The following SLC39A4 variants were observed in gnomAD, a reference collection of about 807,000 sequenced individuals.
SLC39A4 encodes zinc transporter ZIP4.
Under a neutral mutation model 56.6 loss-of-function variants are expected in SLC39A4, and 49 were observed. The observed-to-expected ratio is 0.87, with a 90% confidence interval of 0.69 to 1.10. The LOEUF (loss-of-function observed/expected upper bound fraction) is 1.10. Ranked by LOEUF, SLC39A4 falls within the 50% of genes least tolerant of loss-of-function variation. The probability of loss-of-function intolerance (pLI) is 0.00; values close to 1 mark genes in which losing one functional copy is unlikely to be tolerated. For missense variants in SLC39A4, 993 were observed against 864.2 expected (o/e 1.15, Z -1.87); for synonymous variants, 540 against 420.4 (o/e 1.28, Z -3.48).
rs2130795046 is a variant in SLC39A4, at chr8:144,413,553, G to A, written c.1434C>T (p.Ser478=). Residue 478 remains serine (S), a synonymous_variant, in exon 9 of 12, where the codon AGC becomes AGT. Coordinates refer to ENST00000301305, the MANE Select transcript of SLC39A4 (RefSeq NM_130849.4). ...TGGGCTCAGGGTTCAGCAGCTCCGG[G>A]CTCTCCTCCGCCACCTGGGAGGAGC... ...GSRADLVAEE[S]PELLNPEPRR... 1 of 1,554,126 alleles carries A rather than the reference G, an allele frequency of 6.4e-7. No individual in the cohort carries two copies. The highest frequency in any genetic ancestry group is 8.7e-7 in the Non-Finnish European group (1 of 1,148,904).
rs1554872223 is a variant in SLC39A4 at position 144,413,232 on chromosome 8, C to T, written c.1627+5G>A. On this transcript the variant is annotated splice_donor_5th_base_variant and intron_variant, in intron 10 of 11. Coordinates refer to ENST00000301305, the MANE Select transcript of SLC39A4 (RefSeq NM_130849.4). ...CATCTCCTTCCAGGCCCCGCCTGCG[C>T]TCACCCAGCTCGTGTGGCAACTCGT... 6.4e-7 allele frequency: 1 copy of T among 1,570,788 alleles called. No homozygotes were observed. The highest frequency in any genetic ancestry group is 8.6e-7 in the Non-Finnish European group (1 of 1,163,278).
chr8:144,414,537 C>A, intron 5 of SLC39A4, 103 bp from the exon 6 acceptor site: 2 of 1,523,914 alleles, frequency 1.3e-6, no homozygotes, highest in South Asian at 2.4e-5. Flanking sequence ...TGGGCCAGGC[C>A]CTCACTCAGG....
intron 8 of SLC39A4, 26 bp from the exon 9 acceptor site, chr8:144,413,593 G>A: frequency 6.5e-7 from 1 of 1,549,624 alleles, no homozygotes; most frequent in Admixed American, 2.0e-5. Flanking sequence ...AGTAAGTCCC[G>A]CCCGGAAGTG....
rs1166496067 is a variant in SLC39A4 at position 144,414,161 on chromosome 8, AG to A, written c.1150-67del. On this transcript the variant is annotated intron_variant, in intron 6 of 11. Coordinates refer to ENST00000301305, the MANE Select transcript of SLC39A4 (RefSeq NM_130849.4). The stretch of plus-strand genomic sequence containing the variant: ...GCGCCTCCCACCAAGACCCAGGGAG[AG>A]GGGTCAGGAGGTGGGGTGGGTAAGG... 9.0e-6 allele frequency: 14 copies of A among 1,559,722 alleles called. No homozygotes were observed. The African/African-American group carries it at 1.8e-4, about 20-fold the overall frequency.
At chr8:144,414,156 G>C (rs1554872887) in intron 6 of SLC39A4, 61 bp from the exon 7 acceptor site, 1 of 1,562,320 alleles carries the variant, frequency 6.4e-7, no homozygotes, top group African/African-American at 1.4e-5. Context: ...CCAAGACCCA[G>C]GGAGAGGGGT....
chr8:144,413,099 G>T, intron 10 of SLC39A4, 138 bp downstream of exon 10: 1 of 514,478 alleles, frequency 1.9e-6, no homozygotes, highest in Non-Finnish European at 2.6e-6. Context: ...TCCAGGCCCC[G>T]CCCCACCTGT....
intron 5 of SLC39A4, 142 bp downstream of exon 5, chr8:144,414,583 G>A (rs1308040126): frequency 2.6e-5 from 39 of 1,489,824 alleles, no homozygotes; most frequent in Admixed American, 1.8e-4. Flanking sequence ...CTCTCCTGGC[G>A]ACGCCACCTT....
Position 144,415,145 on chromosome 8 carries a change from G to A in SLC39A4, c.668-35C>T. ...AGAAGAGTTGGCACCGCGAGTCTGT[G>A]TGGGCTCCGGCCCTGCCCCCCAGGG... is the stretch of plus-strand genomic sequence containing the variant. On this transcript the variant is annotated intron_variant, in intron 3 of 11. Transcript: ENST00000301305. The A allele has an allele frequency of 2.5e-6, 4 of 1,612,712 alleles. No individual in the cohort carries two copies. In the East Asian group the frequency reaches 6.7e-5, roughly 27 times the overall value.
intron 1 of SLC39A4, 157 bp downstream of exon 1, chr8:144,416,441 G>C: frequency 6.9e-7 from 1 of 1,452,788 alleles, no homozygotes; most frequent in Non-Finnish European, 9.0e-7. Flanking sequence ...GAGCAGGAGG[G>C]TGGGCTCTGG....
chr8:144,413,166 C>A, intron 10 of SLC39A4, 71 bp downstream of exon 10: 1 of 1,480,872 alleles, frequency 6.8e-7, no homozygotes, highest in Non-Finnish European at 9.1e-7. Flanking sequence ...GCCCCGCCCA[C>A]CTGTTCCAGG....
chr8:144,415,713 C>A (rs886806851), intron 2 of SLC39A4, 97 bp downstream of exon 2: 10 of 1,436,156 alleles, frequency 7.0e-6, no homozygotes, highest in Admixed American at 2.6e-5. Flanking sequence ...TCTCCCCAGG[C>A]CCCCAGGCTC....
At chr8:144,416,241 C>T (rs1554874010) in intron 1 of SLC39A4, 150 bp from the exon 2 acceptor site, 3 of 1,574,330 alleles carry the variant, frequency 1.9e-6, no homozygotes, top group Middle Eastern at 1.7e-4. Context: ...TTCCGTCTCC[C>T]CAGGCCCCTG....
chr8:144,414,922 G>A (rs11779952), intron 4 of SLC39A4, 26 bp from the exon 5 acceptor site: 80,091 of 1,613,062 alleles, frequency 0.05, 2,190 homozygotes, highest in African/African-American at 0.066. Context: ...ACAGGCTCAG[G>A]GGCCCAAGCA....
intron 1 of SLC39A4, chr8:144,416,365 G>C (rs1257686862): frequency 6.9e-7 from 1 of 1,458,450 alleles, no homozygotes; most frequent in African/African-American, 1.4e-5. Flanking sequence ...GCCGGCAGGG[G>C]GAGTTGGCCC....
At position 144,413,376 on chromosome 8, in the gene SLC39A4, C is replaced by A; in HGVS notation, c.1488G>T (p.Leu496=). The change falls in exon 10 of 12, where the codon CTG becomes CTT. Residue 496 remains leucine, a synonymous_variant. Transcript: ENST00000301305. ...CGTCGCCCAGAGTGATCATATAGGG[C>A]AGTAGCCTCAACTCTGCGGGCGCAG... is the stretch of plus-strand genomic sequence containing the variant. ...PRRLSPELRL[L]PYMITLGDAV... 3 of 1,609,026 alleles carry A rather than the reference C, an allele frequency of 1.9e-6. No individual in the cohort carries two copies. The highest frequency in any genetic ancestry group is 2.5e-6 in the Non-Finnish European group (3 of 1,179,370).
In SLC39A4 at chr8:144,413,517, G is replaced by A. The variant is rs781952898; in HGVS notation, c.1470C>T (p.Ser490=). The A allele has an allele frequency of 1.3e-6, 2 of 1,556,824 alleles. No homozygotes were observed. The highest frequency in any genetic ancestry group is 1.7e-6 in the Non-Finnish European group (2 of 1,150,218). ...ELLNPEPRRL[S]PELRLLPYMI... is the part of the protein sequence containing the mutation. ...GGGGTCGCCCCCTGGGCTCACCTGG[G>A]CTCAGTCTCCTGGGCTCAGGGTTCA... The change falls in exon 9 of 12, where the codon AGC becomes AGT. Residue 490 remains serine (S), a synonymous_variant. Transcript: ENST00000301305.
chr8:144,415,023 T>A lies in SLC39A4; in HGVS notation c.755A>T (p.Asp252Val). 6.2e-7 allele frequency: 1 copy of A among 1,611,786 alleles called. No individual in the cohort carries two copies. The highest frequency in any genetic ancestry group is 8.5e-7 in the Non-Finnish European group (1 of 1,179,936). Residue 252 changes from aspartate to valine, a missense_variant, in exon 4 of 12, where the codon GAC (aspartate) becomes GTC (valine). Physicochemically the swap from Asp to Val is radical, Grantham distance 152. Coordinates refer to ENST00000301305, the MANE Select transcript of SLC39A4 (RefSeq NM_130849.4). ...SHRHRGASSR[D>V]PVPLISSSNS... is the part of the protein sequence containing the mutation. ...GCTGGAGCTGATGAGGGGCACAGGGTCCCGGCTGCTGGCTCCCCTGTGCCG... is the reference window on the plus strand; with the variant it reads ...GCTGGAGCTGATGAGGGGCACAGGGACCCGGCTGCTGGCTCCCCTGTGCCG...
Position 144,412,807 on chromosome 8 carries a change from G to T in SLC39A4, c.1767C>A (p.Ile589=), listed in dbSNP as rs1312566759. The T allele has an allele frequency of 1.2e-6, 2 of 1,613,140 alleles. No homozygotes were observed. The highest frequency in any genetic ancestry group is 1.3e-5 in the African/African-American group (1 of 75,060). ...VGVSEESEAW[I]LAVATGLFLY... is the part of the protein sequence containing the mutation. ...GGAACAGGCCGGTGGCCACTGCCAG[G>T]ATCCAGGCCTCGCTCTCCTCGCTGA... is the stretch of plus-strand genomic sequence containing the variant. Residue 589 remains isoleucine (I), a synonymous_variant, in exon 11 of 12, where the codon ATC becomes ATA. Transcript: ENST00000301305.
chr8:144,413,107 T>C (rs1586649133), intron 10 of SLC39A4, 130 bp downstream of exon 10: 1 of 981,620 alleles, frequency 1.0e-6, no homozygotes, highest in Non-Finnish European at 1.3e-6. Flanking sequence ...CCGCCCCACC[T>C]GTTTCCGGTC....
Sources: allele counts gnomAD v4.1 joint callset, GRCh38; gene constraint gnomAD v4.1.1; transcripts MANE v1.5; gene names NCBI Gene and HGNC (gene_info 2026-07-23, HGNC 2026-07-21).